The following PTPRD variants were observed in gnomAD, a reference collection of about 807,000 sequenced individuals.
The protein encoded by PTPRD is receptor-type tyrosine-protein phosphatase delta.
A neutral mutation model predicts 214.5 loss-of-function variants in PTPRD; 34 were observed. The observed-to-expected ratio is 0.16, with a 90% CI of 0.12 to 0.21. PTPRD has a LOEUF of 0.21. Among genes scored for constraint, PTPRD ranks in the 10% least tolerant of loss-of-function variants. PTPRD has a pLI of 1.00. For synonymous variants in PTPRD, 1,128 were observed against 845.7 expected, an observed-to-expected ratio of 1.33 and a Z score of -5.79; for missense variants, 2,545 against 2,398.7, an observed-to-expected ratio of 1.06 and a Z score of -1.27.
intron 5 of PTPRD, among the ~76,000 whole-genome samples, chr9:9,908,466 A>G (rs1489540057): frequency 6.6e-6 from 1 of 151,984 alleles, no homozygotes; most frequent in Non-Finnish European, 1.5e-5. Flanking sequence ...GTAGGACTCA[A>G]AGGAAACAGA....
At chr9:8,688,798 C>T (rs927798795) in intron 12 of PTPRD, among the ~76,000 whole-genome samples, 1 of 152,082 alleles carries the variant, frequency 6.6e-6, no homozygotes, top group Admixed American at 6.5e-5. Flanking sequence ...AAAAAATATA[C>T]ATCAAACTAC....
At chr9:8,667,671 G>C (rs1454078831) in intron 12 of PTPRD, among the ~76,000 whole-genome samples, 4 of 151,732 alleles carry the variant, frequency 2.6e-5, no homozygotes, top group Non-Finnish European at 4.4e-5. Context: ...ATAAATGAAA[G>C]GTAAATATAA....
intron 7 of PTPRD, among the ~76,000 whole-genome samples, chr9:9,641,210 T>C (rs1238618943): frequency 6.6e-6 from 1 of 152,186 alleles, no homozygotes; most frequent in Non-Finnish European, 1.5e-5. Flanking sequence ...TTCATCAAAA[T>C]CATGATACTC....
intron 11 of PTPRD, among the ~76,000 whole-genome samples, chr9:8,926,941 G>C (rs545899920): frequency 6.6e-6 from 1 of 152,242 alleles, no homozygotes; most frequent in South Asian, 2.1e-4. Flanking sequence ...TGATGAGTCA[G>C]TTTACATTTC....
chr9:10,427,389 G>C (rs985426364), intron 2 of PTPRD, among the ~76,000 whole-genome samples: 1 of 151,990 alleles, frequency 6.6e-6, no homozygotes, highest in Admixed American at 6.6e-5. Context: ...AAACTTAATT[G>C]CTAAGGCCAC....
chr9:8,903,384 C>G (rs2098686211), intron 11 of PTPRD, among the ~76,000 whole-genome samples: 1 of 152,066 alleles, frequency 6.6e-6, no homozygotes, highest in Admixed American at 6.6e-5. Flanking sequence ...AGTGTGAAGC[C>G]AACTTTTAGT....
chr9:8,955,340 G>C (rs2099125410), intron 11 of PTPRD, among the ~76,000 whole-genome samples: 1 of 151,810 alleles, frequency 6.6e-6, no homozygotes, highest in Non-Finnish European at 1.5e-5. Flanking sequence ...GATACCATCT[G>C]CTTGGATAGA....
At chr9:9,505,522 T>C (rs2096550466) in intron 8 of PTPRD, among the ~76,000 whole-genome samples, 1 of 151,450 alleles carries the variant, frequency 6.6e-6, no homozygotes, top group African/African-American at 2.4e-5. Flanking sequence ...CGTGTAGCTG[T>C]CATTATTATT....
intron 11 of PTPRD, among the ~76,000 whole-genome samples, chr9:8,883,519 A>T (rs1460043129): frequency 1.3e-5 from 2 of 152,140 alleles, no homozygotes; most frequent in East Asian, 3.9e-4. Flanking sequence ...TTCCAAACAC[A>T]CACCTGCTGG....
intron 11 of PTPRD, among the ~76,000 whole-genome samples, chr9:9,006,181 G>T (rs918591246): frequency 6.8e-6 from 1 of 146,254 alleles, no homozygotes; most frequent in African/African-American, 2.5e-5. Flanking sequence ...TTAAAAGAAA[G>T]ATTAGAGGTG....
At chr9:9,495,557 G>A (rs1246386656) in intron 8 of PTPRD, among the ~76,000 whole-genome samples, 1 of 147,672 alleles carries the variant, frequency 6.8e-6, no homozygotes, top group Non-Finnish European at 1.5e-5. Context: ...ACCTCAGGGA[G>A]ATGGCTGGAC....
intron 4 of PTPRD, among the ~76,000 whole-genome samples, chr9:9,961,226 G>C (rs1176152941): frequency 6.6e-6 from 1 of 150,608 alleles, no homozygotes; most frequent in African/African-American, 2.4e-5. Flanking sequence ...CAAGAATAAG[G>C]ATTACTATAT....
At chr9:9,004,449 C>A (rs777515135) in intron 11 of PTPRD, among the ~76,000 whole-genome samples, 1 of 151,742 alleles carries the variant, frequency 6.6e-6, no homozygotes, top group Non-Finnish European at 1.5e-5. Flanking sequence ...CTCTGGAATT[C>A]GAAAATTTTG....
At chr9:8,325,995 T>A (rs1019631401) in intron 44 of PTPRD, among the ~76,000 whole-genome samples, 3 of 152,208 alleles carry the variant, frequency 2.0e-5, no homozygotes, top group Non-Finnish European at 4.4e-5. Context: ...TTTCTAAATA[T>A]ACAATGTTGT....
At position 10,422,749 on chromosome 9, in the gene PTPRD, A is replaced by G. The variant is rs911718789; in HGVS notation, c.-599-81732T>C. On this transcript the variant is annotated intron_variant, in intron 2 of 45. Coordinates refer to ENST00000381196, the MANE Select transcript of PTPRD (RefSeq NM_002839.4). ...TCAGAGAAATGCAAATCAAAACCACAATGAGATACTATCTCACACAAGTTA... is the reference window on the plus strand; with the variant it reads ...TCAGAGAAATGCAAATCAAAACCACGATGAGATACTATCTCACACAAGTTA... Among the ~76,000 whole-genome samples the G allele has an allele frequency of 2.0e-5, 3 of 152,090 alleles. No individual in the cohort carries two copies. In the East Asian group the frequency reaches 5.8e-4, roughly 30 times the overall value.
At chr9:8,381,363 T>A (rs2085027106) in intron 37 of PTPRD, among the ~76,000 whole-genome samples, 2 of 152,218 alleles carry the variant, frequency 1.3e-5, no homozygotes, top group African/African-American at 4.8e-5. Context: ...TTCTACAGGT[T>A]ATAGTAACTA....
chr9:8,708,167 T>TGA (rs1408811491), intron 12 of PTPRD, among the ~76,000 whole-genome samples: 2 of 152,176 alleles, frequency 1.3e-5, no homozygotes, highest in Non-Finnish European at 2.9e-5. Context: ...AACCAGTTAT[T>TGA]GAGAGTATAC....
chr9:8,601,580 G>A (rs2094868396), intron 14 of PTPRD, among the ~76,000 whole-genome samples: 1 of 152,304 alleles, frequency 6.6e-6, no homozygotes, highest in South Asian at 2.1e-4. Flanking sequence ...TAAGGCAAGA[G>A]AACAACAGTT....
At chr9:10,361,080 C>G (rs947966120) in intron 2 of PTPRD, among the ~76,000 whole-genome samples, 2 of 152,022 alleles carry the variant, frequency 1.3e-5, no homozygotes, top group Non-Finnish European at 2.9e-5. Context: ...CCAGCCTGGG[C>G]GACAGCGAGA....
Sources: gnomAD v4.1 joint callset for allele counts (sites outside exome capture counted in the v4.1 genomes callset) on GRCh38, gnomAD v4.1.1 for gene constraint, MANE v1.5 for transcripts, NCBI Gene and HGNC (gene_info 2026-07-23, HGNC 2026-07-21) for gene names.